The following MAF variants were observed in gnomAD, a reference collection of about 807,000 sequenced individuals.
MAF encodes transcription factor Maf.
In MAF, 10 loss-of-function variants were observed where a neutral mutation model predicts 22.0. That is an observed-to-expected ratio of 0.45 (90% confidence interval 0.28 to 0.77). The LOEUF (loss-of-function observed/expected upper bound fraction) is 0.77, where lower values mean the gene tolerates loss of function less well. Ranked by LOEUF, MAF falls within the 30% of genes least tolerant of loss-of-function variation. MAF has a pLI of 0.12. For missense variants in MAF, 544 were observed against 548.4 expected, an observed-to-expected ratio of 0.99 and a Z score of 0.08; for synonymous variants, 337 against 255.8, an observed-to-expected ratio of 1.32 and a Z score of -3.03.
At chr16:79,235,580 G>A in the MAF span, among the ~76,000 whole-genome samples, 2 of 151,796 alleles carry the variant, frequency 1.3e-5, no homozygotes, top group Non-Finnish European at 2.9e-5. Flanking sequence ...GAAAGCCGCA[G>A]AAGCAGCCAT....
At chr16:79,371,767 G>A in the MAF span, among the ~76,000 whole-genome samples, 24 of 152,260 alleles carry the variant, frequency 1.6e-4, no homozygotes, top group South Asian at 3.1e-3. Flanking sequence ...GCCCACCACC[G>A]TTCAGACTAG....
At chr16:79,276,550 C>T in the MAF span, among the ~76,000 whole-genome samples, 1 of 152,132 alleles carries the variant, frequency 6.6e-6, no homozygotes, top group Non-Finnish European at 1.5e-5. Flanking sequence ...GGGTGGAAAC[C>T]AAACCAGGCT....
chr16:79,368,233 C>G, the MAF span, among the ~76,000 whole-genome samples: 8 of 152,258 alleles, frequency 5.3e-5, no homozygotes, highest in South Asian at 1.7e-3. Context: ...CACTGAATAT[C>G]CTTACATAAA....
the MAF span, among the ~76,000 whole-genome samples, chr16:79,522,787 C>A: frequency 6.6e-6 from 1 of 152,152 alleles, no homozygotes; most frequent in East Asian, 1.9e-4. Flanking sequence ...TCTAATATCA[C>A]GAATGTTTTA....
At chr16:79,295,668 T>C in the MAF span, among the ~76,000 whole-genome samples, 1 of 152,358 alleles carries the variant, frequency 6.6e-6, no homozygotes, top group South Asian at 2.1e-4. Context: ...AAATGAGCCC[T>C]AAGACATATT....
At chr16:79,279,630 G>A in the MAF span, among the ~76,000 whole-genome samples, 27 of 152,236 alleles carry the variant, frequency 1.8e-4, 1 homozygote, top group Middle Eastern at 6.8e-3. Context: ...GCTCAGATCT[G>A]ACTGTACTAA....
At chr16:79,265,467 C>G in the MAF span, among the ~76,000 whole-genome samples, 1 of 151,954 alleles carries the variant, frequency 6.6e-6, no homozygotes, top group African/African-American at 2.4e-5. Flanking sequence ...CAGCAGTTCT[C>G]CCTTATCCAA....
chr16:79,411,244 G>T, the MAF span, among the ~76,000 whole-genome samples: 11,379 of 150,806 alleles, frequency 0.075, 582 homozygotes, highest in Middle Eastern at 0.18. Context: ...GTTATTTTTT[G>T]TCCCTCAAGC....
the MAF span, among the ~76,000 whole-genome samples, chr16:79,319,557 G>A: frequency 6.6e-6 from 1 of 152,218 alleles, no homozygotes; most frequent in Non-Finnish European, 1.5e-5. Flanking sequence ...CAGATCTGAC[G>A]TAGGTGGAAA....
the MAF span, among the ~76,000 whole-genome samples, chr16:79,230,072 T>A: frequency 6.6e-6 from 1 of 152,120 alleles, no homozygotes; most frequent in African/African-American, 2.4e-5. Context: ...ACTGAGAATG[T>A]ATTTAATCAC....
the MAF span, among the ~76,000 whole-genome samples, chr16:79,283,175 T>G: frequency 6.6e-6 from 1 of 152,190 alleles, no homozygotes; most frequent in East Asian, 1.9e-4. Flanking sequence ...AGTGGATAGA[T>G]GGACGGATGA....
At chr16:79,534,570 C>T in the MAF span, among the ~76,000 whole-genome samples, 1 of 149,264 alleles carries the variant, frequency 6.7e-6, no homozygotes, top group East Asian at 2.0e-4. Context: ...GGGAACATCA[C>T]ACACCGGGGC....
chr16:79,423,532 G>A, the MAF span, among the ~76,000 whole-genome samples: 1 of 152,198 alleles, frequency 6.6e-6, no homozygotes, highest in Non-Finnish European at 1.5e-5. Context: ...CAGCCTGTGG[G>A]CCATTTGTTT....
the MAF span, among the ~76,000 whole-genome samples, chr16:79,248,407 C>T: frequency 6.6e-6 from 1 of 152,142 alleles, no homozygotes; most frequent in East Asian, 1.9e-4. Flanking sequence ...TTACATGATG[C>T]CCCTGGTTTT....
the MAF span, among the ~76,000 whole-genome samples, chr16:79,450,708 A>G: frequency 6.6e-6 from 1 of 152,184 alleles, no homozygotes. Context: ...AATTTGACTG[A>G]CAACTCGGAT....
chr16:79,373,734 T>A, the MAF span, among the ~76,000 whole-genome samples: 1 of 152,074 alleles, frequency 6.6e-6, no homozygotes, highest in African/African-American at 2.4e-5. Flanking sequence ...AGCCCCCTCA[T>A]CATGTGATGC....
the MAF span, among the ~76,000 whole-genome samples, chr16:79,289,854 A>ATTTTTTT: frequency 1.8e-5 from 1 of 55,640 alleles, no homozygotes; most frequent in African/African-American, 6.2e-5. Context: ...TTGTTTGTGT[A>ATTTTTTT]TTTTTTTTTT....
chr16:79,553,107 G>T, the MAF span, among the ~76,000 whole-genome samples: 1 of 152,356 alleles, frequency 6.6e-6, no homozygotes, highest in Admixed American at 6.5e-5. Flanking sequence ...TGGCAGAGTT[G>T]AGAGGATTAA....
At chr16:79,425,084 A>G in the MAF span, among the ~76,000 whole-genome samples, 1 of 152,102 alleles carries the variant, frequency 6.6e-6, no homozygotes, top group Non-Finnish European at 1.5e-5. Flanking sequence ...CTTTTTCCCC[A>G]TATACCCAAA....
Sources: gnomAD v4.1 joint callset for allele counts (sites outside exome capture counted in the v4.1 genomes callset) on GRCh38, gnomAD v4.1.1 for gene constraint, MANE v1.5 for transcripts, NCBI Gene and HGNC (gene_info 2026-07-23, HGNC 2026-07-21) for gene names.